Variants in GRAMD2B observed in about 807,000 individuals in gnomAD.
The protein encoded by GRAMD2B is GRAM domain containing 2B, also known as GRAM domain-containing protein 2B.
GRAMD2B carries 41 observed loss-of-function variants against 59.2 expected under a neutral mutation model. The observed-to-expected ratio is 0.69, with a 90% CI of 0.54 to 0.90. The LOEUF (loss-of-function observed/expected upper bound fraction) is 0.90, where lower values mean the gene tolerates loss of function less well. GRAMD2B is among the 40% of genes least tolerant of loss of function. GRAMD2B has a pLI of 0.00. For synonymous variants in GRAMD2B, 161 were observed against 182.7 expected (o/e 0.88, Z 0.96); for missense variants, 424 against 500.5 (o/e 0.85, Z 1.46).
At chr5:126,481,688 C>A (rs1310730464) in intron 8 of GRAMD2B, among the ~76,000 whole-genome samples, 1 of 152,112 alleles carries the variant, frequency 6.6e-6, no homozygotes, top group East Asian at 1.9e-4. Flanking sequence ...AAATTAAGGG[C>A]CAGGCGCAGT....
intron 1 of GRAMD2B, among the ~76,000 whole-genome samples, chr5:126,363,546 C>T (rs1415418669): frequency 6.6e-6 from 1 of 152,034 alleles, no homozygotes; most frequent in East Asian, 1.9e-4. Context: ...AAAGTAGAAA[C>T]AATCCAAGTC....
chr5:126,444,553 TG>T (rs1341463187), intron 1 of GRAMD2B, among the ~76,000 whole-genome samples: 1 of 152,224 alleles, frequency 6.6e-6, no homozygotes. Flanking sequence ...AGCTGATTTT[TG>T]TACCTAGAAT....
At chr5:126,483,722 G>T in intron 9 of GRAMD2B, 148 bp downstream of exon 9, 1 of 575,828 alleles carries the variant, frequency 1.7e-6, no homozygotes. Flanking sequence ...TCTGGAGAAA[G>T]GATGCCTTGA....
intron 1 of GRAMD2B, among the ~76,000 whole-genome samples, chr5:126,453,849 T>A (rs1257980452): frequency 1.3e-5 from 2 of 151,976 alleles, no homozygotes; most frequent in African/African-American, 4.8e-5. Context: ...TGGGAAGGAG[T>A]TCATGAGGTA....
rs60131589 is a variant in GRAMD2B at position 126,388,108 on chromosome 5, C to T, written c.125+16541C>T. On this transcript the variant is annotated intron_variant, in intron 1 of 8. Coordinates refer to the GRAMD2B transcript ENST00000506445. ...AATTTTCAGGCCTGGCACAGTGGCT[C>T]ACACCTATAATCTCAGCATTTTAGG... is the stretch of plus-strand genomic sequence containing the variant. Among the ~76,000 whole-genome samples, 717 of 152,262 alleles carry T rather than the reference C, an allele frequency of 4.7e-3. 6 individuals carry two copies. The highest frequency in any genetic ancestry group is 0.016 in the African/African-American group (677 of 41,544).
At chr5:126,411,670 A>G (rs1488322339) in intron 1 of GRAMD2B, among the ~76,000 whole-genome samples, 1 of 151,974 alleles carries the variant, frequency 6.6e-6, no homozygotes, top group Non-Finnish European at 1.5e-5. Context: ...AGGAATAGCA[A>G]TGAATCTGTA....
In GRAMD2B at chr5:126,439,359, C is replaced by T. The variant is rs1305442424; in HGVS notation, c.83+15670C>T. ...TTTTTTTTTTTTGGAGACAGAGTCACTCTGTTGCCCAGGCTGAAGTGCAGT... is the reference window on the plus strand; with the variant it reads ...TTTTTTTTTTTTGGAGACAGAGTCATTCTGTTGCCCAGGCTGAAGTGCAGT... On this transcript the variant is annotated intron_variant, in intron 1 of 13. Coordinates refer to ENST00000285689, the MANE Select transcript of GRAMD2B (RefSeq NM_023927.4). Among the ~76,000 whole-genome samples, 5 of 135,678 alleles carry T rather than the reference C, an allele frequency of 3.7e-5. No individual in the cohort carries two copies. In the South Asian group the frequency reaches 1.1e-3, roughly 30 times the overall value. 89.0% of individuals were successfully genotyped at this position (135,678 alleles called of 152,430 possible).
intron 1 of GRAMD2B, among the ~76,000 whole-genome samples, chr5:126,458,452 A>G (rs550944138): frequency 3.3e-5 from 5 of 152,150 alleles, no homozygotes; most frequent in South Asian, 2.1e-4. Context: ...AACAAAAAAA[A>G]AAAAAGAATG....
intron 1 of GRAMD2B, among the ~76,000 whole-genome samples, chr5:126,403,485 C>A (rs1002631684): frequency 1.3e-5 from 2 of 151,952 alleles, no homozygotes; most frequent in Non-Finnish European, 1.5e-5. Flanking sequence ...TAAGTCATCA[C>A]TTATTGCTCA....
chr5:126,415,531 G>T (rs1759197014), intron 1 of GRAMD2B, among the ~76,000 whole-genome samples: 1 of 152,130 alleles, frequency 6.6e-6, no homozygotes, highest in African/African-American at 2.4e-5. Flanking sequence ...AGGGTGGGAA[G>T]GAGGGAAAGA....
chr5:126,478,788 C>T (rs1365931684), intron 6 of GRAMD2B, among the ~76,000 whole-genome samples: 1 of 152,054 alleles, frequency 6.6e-6, no homozygotes, highest in Non-Finnish European at 1.5e-5. Context: ...ACAAAACCAC[C>T]ACCTTACTGA....
At chr5:126,480,916 A>T (rs1417780543) in intron 8 of GRAMD2B, 1 of 584,422 alleles carries the variant, frequency 1.7e-6, no homozygotes, top group African/African-American at 1.9e-5. Context: ...TTGTCCTGCA[A>T]AAAGAAAGAA....
chr5:126,423,851 A>G (rs1004241533), intron 1 of GRAMD2B, among the ~76,000 whole-genome samples, 162 bp downstream of exon 1: 1 of 152,124 alleles, frequency 6.6e-6, no homozygotes, highest in African/African-American at 2.4e-5. Flanking sequence ...CTCTGTCTAG[A>G]TATTCAGTTA....
intron 1 of GRAMD2B, among the ~76,000 whole-genome samples, chr5:126,448,245 A>C (rs1764712526): frequency 6.6e-6 from 1 of 152,176 alleles, no homozygotes; most frequent in Non-Finnish European, 1.5e-5. Flanking sequence ...AAAGAAGAAG[A>C]GGTCAGTCCT....
At chr5:126,432,649 A>G (rs1364794939) in intron 1 of GRAMD2B, among the ~76,000 whole-genome samples, 1 of 152,200 alleles carries the variant, frequency 6.6e-6, no homozygotes, top group African/African-American at 2.4e-5. Context: ...TGTAATATAC[A>G]GTGTGGTCCT....
At chr5:126,431,337 A>G (rs901675156) in intron 1 of GRAMD2B, among the ~76,000 whole-genome samples, 5 of 152,134 alleles carry the variant, frequency 3.3e-5, no homozygotes, top group Admixed American at 6.5e-5. Flanking sequence ...CTCAAATACT[A>G]TTTTTTCCAA....
intron 1 of GRAMD2B, among the ~76,000 whole-genome samples, chr5:126,450,586 C>T (rs1347377976): frequency 6.6e-6 from 1 of 150,638 alleles, no homozygotes; most frequent in Non-Finnish European, 1.5e-5. Context: ...CGTCACCTGG[C>T]CTTCATTCAT....
intron 3 of GRAMD2B, 130 bp from the exon 4 acceptor site, chr5:126,472,108 A>T (rs988233467): frequency 1.2e-5 from 8 of 670,564 alleles, no homozygotes; most frequent in Admixed American, 7.2e-5. Flanking sequence ...TGTGTCAGAG[A>T]CTGTAAGATC....
At chr5:126,477,604 CTTT>C in intron 5 of GRAMD2B, 85 bp from the exon 6 acceptor site, 1 of 821,338 alleles carries the variant, frequency 1.2e-6, no homozygotes, top group Non-Finnish European at 2.1e-6. Context: ...TTCTGTTTAC[CTTT>C]TTTTTCTTTT....
Sources: allele counts gnomAD v4.1 joint callset (sites outside exome capture counted in the v4.1 genomes callset), GRCh38; gene constraint gnomAD v4.1.1; transcripts MANE v1.5; gene names NCBI Gene and HGNC (gene_info 2026-07-23, HGNC 2026-07-21).